ECSIT: variants seen among roughly 807,000 people sequenced by gnomAD.
ECSIT encodes the protein ECSIT signaling integrator.
In ECSIT, 29 loss-of-function variants were observed where a neutral mutation model predicts 36.8. The observed-to-expected ratio is 0.79, with a 90% CI of 0.59 to 1.08. The LOEUF (loss-of-function observed/expected upper bound fraction) is 1.08, where lower values mean the gene tolerates loss of function less well. Among genes scored for constraint, ECSIT ranks in the 50% least tolerant of loss-of-function variants. ECSIT has a pLI of 0.00. For synonymous variants in ECSIT, 231 were observed against 234.8 expected (o/e 0.98, Z 0.15); for missense variants, 542 against 581.0 (o/e 0.93, Z 0.69).
At chr19:11,520,289 A>G (rs1304611894) in intron 1 of ECSIT, among the ~76,000 whole-genome samples, 2 of 152,036 alleles carry the variant, frequency 1.3e-5, no homozygotes, top group Non-Finnish European at 2.9e-5. Context: ...CCCATGCCTC[A>G]GCATCCCGAG....
At chr19:11,507,089 G>T (rs879905192) in intron 7 of ECSIT, among the ~76,000 whole-genome samples, 1 of 152,142 alleles carries the variant, frequency 6.6e-6, no homozygotes, top group Non-Finnish European at 1.5e-5. Context: ...AGGAGGGAGG[G>T]AATGAACAAG....
intron 1 of ECSIT, among the ~76,000 whole-genome samples, chr19:11,522,852 C>T (rs529733113): frequency 2.0e-5 from 3 of 152,150 alleles, no homozygotes; most frequent in Admixed American, 1.3e-4. Flanking sequence ...GGGTGGATCA[C>T]GAGGTCAGGA....
intron 3 of ECSIT, 97 bp downstream of exon 3, chr19:11,513,707 C>G: frequency 7.2e-7 from 1 of 1,393,324 alleles, no homozygotes; most frequent in Non-Finnish European, 1.0e-6. Context: ...GAGACAGAGA[C>G]GGAGCCATGG....
chr19:11,522,452 A>G (rs1972125214), intron 1 of ECSIT: 1 of 1,460,292 alleles, frequency 6.8e-7, no homozygotes, highest in Middle Eastern at 2.4e-4. Context: ...CTGCGCCATC[A>G]GCACAAGCCA....
At chr19:11,512,797 G>T (rs1460900078) in intron 4 of ECSIT, among the ~76,000 whole-genome samples, 2 of 151,908 alleles carry the variant, frequency 1.3e-5, no homozygotes, top group African/African-American at 2.4e-5. Context: ...TTTTTAATTA[G>T]CCAGGCATAG....
intron 2 of ECSIT, among the ~76,000 whole-genome samples, chr19:11,517,661 T>C (rs1972024737): frequency 6.6e-6 from 1 of 152,068 alleles, no homozygotes; most frequent in African/African-American, 2.4e-5. Flanking sequence ...TGTACCACTT[T>C]GGGGTAAAAA....
intron 1 of ECSIT, chr19:11,522,279 C>T (rs369387977): frequency 3.1e-5 from 20 of 645,832 alleles, no homozygotes; most frequent in Non-Finnish European, 5.0e-5. Flanking sequence ...CCACCACGGG[C>T]GCTGTCACCC....
intron 4 of ECSIT, among the ~76,000 whole-genome samples, chr19:11,512,677 G>A (rs564249762): frequency 2.1e-4 from 32 of 152,038 alleles, no homozygotes; most frequent in African/African-American, 7.7e-4. Context: ...CCTCATGCCT[G>A]TAATCCCAGC....
intron 1 of ECSIT, chr19:11,522,141 G>A (rs925854340): frequency 3.2e-5 from 13 of 408,598 alleles, no homozygotes; most frequent in Non-Finnish European, 5.5e-5. Context: ...AGAAGTCTTC[G>A]GGGAGACTGT....
chr19:11,525,418 TG>T, intron 1 of ECSIT, among the ~76,000 whole-genome samples: 1 of 151,078 alleles, frequency 6.6e-6, no homozygotes, highest in Non-Finnish European at 1.5e-5. Context: ...GAGGCTGAGG[TG>T]GGAGGATCAC....
At chr19:11,524,205 C>G (rs1972165563) in intron 1 of ECSIT, among the ~76,000 whole-genome samples, 2 of 151,250 alleles carry the variant, frequency 1.3e-5, no homozygotes. Context: ...CAGAGGTGAG[C>G]CACTGCACCT....
chr19:11,528,376 C>T (rs1255978416), intron 1 of ECSIT, among the ~76,000 whole-genome samples: 7 of 152,168 alleles, frequency 4.6e-5, no homozygotes, highest in Non-Finnish European at 1.0e-4. Context: ...CTCAGCTTCC[C>T]GAGTAGCTAG....
chr19:11,507,842 T>C lies in ECSIT; in HGVS notation c.805A>G (p.Ser269Gly). 1 of 1,613,666 alleles carries C rather than the reference T, an allele frequency of 6.2e-7. No individual in the cohort carries two copies. Among genetic ancestry groups the C allele is most frequent in the Non-Finnish European group, 8.5e-7 (1 of 1,179,964 alleles). Reference protein sequence around the residue: ...PPQPHIVGIQSPDQQAALARH... With the variant: ...PPQPHIVGIQGPDQQAALARH... ...GCCAGGGCGGCCTGCTGATCGGGAC[T>C]CTGGATTCCTGGTGTGGAGACATAC... Residue 269 changes from serine (S) to glycine (G), a missense_variant, in exon 6 of 8, where the codon AGT (serine) becomes GGT (glycine). Coordinates refer to ENST00000270517, the MANE Select transcript of ECSIT (RefSeq NM_016581.5).
At chr19:11,523,536 G>A (rs1972151406) in intron 1 of ECSIT, 1 of 1,088,666 alleles carries the variant, frequency 9.2e-7, no homozygotes, top group Admixed American at 1.9e-5. Flanking sequence ...CTAGCACGTG[G>A]AATCTGTGAA....
intron 1 of ECSIT, chr19:11,522,647 A>C (rs1972129737): frequency 1.9e-6 from 1 of 524,484 alleles, no homozygotes; most frequent in East Asian, 3.3e-5. Flanking sequence ...CTGGGAGGCA[A>C]TGTTACAGTA....
intron 1 of ECSIT, among the ~76,000 whole-genome samples, chr19:11,526,415 C>A (rs1972216799): frequency 6.6e-6 from 1 of 152,204 alleles, no homozygotes; most frequent in Admixed American, 6.5e-5. Context: ...ACCCAGCCAT[C>A]TCAAACATAA....
At chr19:11,513,745 G>C (rs1971925270) in intron 3 of ECSIT, 59 bp downstream of exon 3, 4 of 1,594,002 alleles carry the variant, frequency 2.5e-6, no homozygotes, top group Non-Finnish European at 3.4e-6. Context: ...ACTCAGGAGA[G>C]GTGCTGCCAG....
At chr19:11,510,742 A>G (rs2144971861) in intron 4 of ECSIT, 1 of 152,020 alleles carries the variant, frequency 6.6e-6, no homozygotes, top group East Asian at 1.9e-4. Flanking sequence ...AAAATGAAGA[A>G]ATGAACTAAA....
At chr19:11,514,418 G>C (rs914272003) in intron 2 of ECSIT, among the ~76,000 whole-genome samples, 197 bp from the exon 3 acceptor site, 12 of 152,198 alleles carry the variant, frequency 7.9e-5, no homozygotes, top group African/African-American at 2.7e-4. Flanking sequence ...GGAGGAAACA[G>C]GCACTGTTAG....
Sources: gnomAD v4.1 joint callset for allele counts (sites outside exome capture counted in the v4.1 genomes callset) on GRCh38, gnomAD v4.1.1 for gene constraint, MANE v1.5 for transcripts, NCBI Gene and HGNC (gene_info 2026-07-23, HGNC 2026-07-21) for gene names.